ANKS1B: variants seen among roughly 807,000 people sequenced by gnomAD.
ANKS1B encodes ankyrin repeat and sterile alpha motif domain-containing protein 1B.
A neutral mutation model predicts 148.3 loss-of-function variants in ANKS1B; 36 were observed. The ratio of observed to expected loss-of-function variants is 0.24; its 90% CI spans 0.19 to 0.32. The LOEUF (loss-of-function observed/expected upper bound fraction) is 0.32, where lower values mean the gene tolerates loss of function less well. Among genes scored for constraint, ANKS1B ranks in the 10% least tolerant of loss-of-function variants. The probability of loss-of-function intolerance (pLI) is 1.00; values close to 1 mark genes in which losing one functional copy is unlikely to be tolerated. For missense variants in ANKS1B, 1,157 were observed against 1,542.6 expected (o/e 0.75, Z 4.19); for synonymous variants, 542 against 560.8 (o/e 0.97, Z 0.47).
At chr12:99,245,043 T>C (rs568322213) in intron 13 of ANKS1B, among the ~76,000 whole-genome samples, 83 of 152,152 alleles carry the variant, frequency 5.5e-4, no homozygotes, top group Non-Finnish European at 1.1e-3. Context: ...TTAGTAGAGA[T>C]GTGATTTTGC....
intron 14 of ANKS1B, among the ~76,000 whole-genome samples, chr12:99,157,185 G>C (rs2076154441): frequency 6.6e-6 from 1 of 152,070 alleles, no homozygotes; most frequent in African/African-American, 2.4e-5. Flanking sequence ...TTACCTATAG[G>C]AGAAGCTAAA....
intron 15 of ANKS1B, among the ~76,000 whole-genome samples, chr12:99,092,473 A>AAG: frequency 6.7e-6 from 1 of 148,668 alleles, no homozygotes; most frequent in East Asian, 2.0e-4. Flanking sequence ...TGAAGCTGAA[A>AAG]AAAAAAAAAA....
In ANKS1B at chr12:98,843,037, G is replaced by T. The variant is rs868443438; in HGVS notation, c.2779-10901C>A. Among the ~76,000 whole-genome samples, 8 of 152,272 alleles carry T rather than the reference G, an allele frequency of 5.3e-5. No individual in the cohort carries two copies. In the Middle Eastern group the frequency reaches 0.014, roughly 259 times the overall value. ...TAGGAGCCAACATGGGTTCTCTCTG[G>T]ATGGGTAACAGGTGGTGATCATGAG... is the stretch of plus-strand genomic sequence containing the variant. On this transcript the variant is annotated intron_variant, in intron 17 of 26. Coordinates refer to ENST00000683438, the MANE Select transcript of ANKS1B (RefSeq NM_001352186.2).
intron 9 of ANKS1B, among the ~76,000 whole-genome samples, chr12:99,583,292 C>G (rs1339599942): frequency 6.6e-6 from 1 of 152,014 alleles, no homozygotes; most frequent in African/African-American, 2.4e-5. Context: ...TAATGAAAAA[C>G]CTACAGAAAC....
At chr12:99,831,184 G>C (rs1348194849) in intron 1 of ANKS1B, among the ~76,000 whole-genome samples, 1 of 145,186 alleles carries the variant, frequency 6.9e-6, no homozygotes, top group Non-Finnish European at 1.5e-5. Context: ...TAAAAATGTT[G>C]AGTACATATA....
intron 17 of ANKS1B, among the ~76,000 whole-genome samples, chr12:98,856,543 T>A (rs977113398): frequency 2.0e-5 from 3 of 152,226 alleles, no homozygotes; most frequent in African/African-American, 7.2e-5. Context: ...AACAGATGAT[T>A]TCATGTGTGT....
intron 1 of ANKS1B, among the ~76,000 whole-genome samples, chr12:99,859,070 A>G (rs1466160216): frequency 1.3e-5 from 2 of 152,232 alleles, no homozygotes; most frequent in Non-Finnish European, 2.9e-5. Context: ...ATTGAAGCTT[A>G]ATAACATGGA....
intron 17 of ANKS1B, among the ~76,000 whole-genome samples, chr12:99,046,556 T>C (rs1055512527): frequency 2.0e-5 from 3 of 151,524 alleles, no homozygotes; most frequent in African/African-American, 7.3e-5. Context: ...TCCCAGCACT[T>C]TGGGAGGCCG....
chr12:99,074,450 T>A (rs1285156742), intron 16 of ANKS1B, among the ~76,000 whole-genome samples: 1 of 152,168 alleles, frequency 6.6e-6, no homozygotes, highest in Non-Finnish European at 1.5e-5. Flanking sequence ...ATGTTTGAAT[T>A]GCGTGCTCTC....
intron 15 of ANKS1B, among the ~76,000 whole-genome samples, chr12:99,101,865 AG>A (rs1475195143): frequency 7.2e-5 from 11 of 151,934 alleles, no homozygotes; most frequent in African/African-American, 2.7e-4. Context: ...CTCAGCCTTG[AG>A]GGGCTGTGTT....
chr12:99,558,069 G>A (rs752924222), intron 9 of ANKS1B, among the ~76,000 whole-genome samples: 12 of 152,148 alleles, frequency 7.9e-5, no homozygotes, highest in Non-Finnish European at 1.6e-4. Flanking sequence ...TAGCCACAAC[G>A]CTACAATGGA....
At chr12:99,106,719 C>T (rs2059300074) in intron 15 of ANKS1B, among the ~76,000 whole-genome samples, 1 of 152,190 alleles carries the variant, frequency 6.6e-6, no homozygotes, top group Non-Finnish European at 1.5e-5. Flanking sequence ...TCCAATTCTA[C>T]TCTTTTCATC....
chr12:98,925,539 T>G (rs986959713), intron 17 of ANKS1B, among the ~76,000 whole-genome samples: 5 of 152,176 alleles, frequency 3.3e-5, no homozygotes, highest in African/African-American at 1.2e-4. Flanking sequence ...ACCCAAAGTT[T>G]GCAATAATAC....
intron 12 of ANKS1B, among the ~76,000 whole-genome samples, chr12:99,298,712 G>C (rs1019527648): frequency 3.3e-5 from 5 of 152,146 alleles, no homozygotes; most frequent in African/African-American, 1.2e-4. Flanking sequence ...TAAGTGAAGA[G>C]AACAAGGTTT....
At chr12:99,805,014 C>T (rs1184456057) in intron 4 of ANKS1B, among the ~76,000 whole-genome samples, 5 of 152,088 alleles carry the variant, frequency 3.3e-5, no homozygotes, top group Admixed American at 3.3e-4. Context: ...ATTTCACACA[C>T]AAGAGAACAC....
chr12:99,740,356 A>T (rs556901352), intron 8 of ANKS1B, among the ~76,000 whole-genome samples: 16 of 141,152 alleles, frequency 1.1e-4, no homozygotes, highest in Non-Finnish European at 2.3e-4. Flanking sequence ...AAACTAGTCA[A>T]TAAATACAGG....
At chr12:98,910,467 G>T (rs2099785237) in intron 17 of ANKS1B, among the ~76,000 whole-genome samples, 1 of 152,160 alleles carries the variant, frequency 6.6e-6, no homozygotes, top group Non-Finnish European at 1.5e-5. Context: ...TAATTATCAG[G>T]CTCCCAAAAG....
chr12:99,839,146 C>A (rs1363785091), intron 1 of ANKS1B, among the ~76,000 whole-genome samples: 1 of 152,084 alleles, frequency 6.6e-6, no homozygotes, highest in Non-Finnish European at 1.5e-5. Context: ...GGGGCTGAGG[C>A]AGGAGGATCA....
At chr12:99,880,085 A>C (rs1379771810) in intron 1 of ANKS1B, among the ~76,000 whole-genome samples, 1 of 152,172 alleles carries the variant, frequency 6.6e-6, no homozygotes, top group Non-Finnish European at 1.5e-5. Flanking sequence ...CTTGACCTGA[A>C]AAAATGTAGA....
Sources: allele counts gnomAD v4.1 joint callset (sites outside exome capture counted in the v4.1 genomes callset), GRCh38; gene constraint gnomAD v4.1.1; transcripts MANE v1.5; gene names NCBI Gene and HGNC (gene_info 2026-07-23, HGNC 2026-07-21).